LMO4: variants seen among roughly 807,000 people sequenced by gnomAD.
The protein encoded by LMO4 is LIM domain only 4.
In LMO4, 3 loss-of-function variants were observed where a neutral mutation model predicts 18.5. The observed-to-expected ratio is 0.16, with a 90% CI of 0.07 to 0.42. The LOEUF (loss-of-function observed/expected upper bound fraction) is 0.42, where lower values mean the gene tolerates loss of function less well. LMO4 is among the 10% of genes least tolerant of loss of function. LMO4 has a pLI of 0.99. For synonymous variants in LMO4, 100 were observed against 88.1 expected (o/e 1.14, Z -0.76); for missense variants, 121 against 219.9 (o/e 0.55, Z 2.84).
At chr1:87,332,615 G>A (rs1650189289) in intron 2 of LMO4, among the ~76,000 whole-genome samples, 1 of 152,124 alleles carries the variant, frequency 6.6e-6, no homozygotes, top group Non-Finnish European at 1.5e-5. Flanking sequence ...AACAAGGTAG[G>A]AACTCACAGA....
At chr1:87,334,543 C>T (rs373540071) in intron 2 of LMO4, among the ~76,000 whole-genome samples, 2 of 152,342 alleles carry the variant, frequency 1.3e-5, no homozygotes, top group East Asian at 3.9e-4. Flanking sequence ...GTGGAGTAAT[C>T]TGCTCGCCCG....
chr1:87,343,756 T>G (rs1013323624), intron 4 of LMO4, among the ~76,000 whole-genome samples: 1 of 152,216 alleles, frequency 6.6e-6, no homozygotes, highest in Admixed American at 6.5e-5. Flanking sequence ...TTTCTCACAC[T>G]GAGCTTCCAC....
Position 87,348,659 on chromosome 1 carries a change from CAG to C in LMO4, c.*3864_*3865del, listed in dbSNP as rs888678980. 8 of 476,954 alleles carry C rather than the reference CAG, an allele frequency of 1.7e-5. No homozygotes were observed. Among genetic ancestry groups the C allele is most frequent in the Admixed American group, 8.9e-5 (4 of 44,836 alleles). 29.5% of individuals were successfully genotyped at this position (476,954 alleles called of 1,614,324 possible). On this transcript the variant is annotated 3_prime_UTR_variant, in exon 5 of 5. Transcript: ENST00000370544. ...GAACATGCTGAGAGCAATGACAAGT[CAG>C]GGCTGATTTTTGGAAGGTGAACTTG... is the stretch of plus-strand genomic sequence containing the variant.
intron 2 of LMO4, among the ~76,000 whole-genome samples, chr1:87,335,824 C>G (rs1027328612): frequency 2.1e-4 from 32 of 151,546 alleles, no homozygotes; most frequent in African/African-American, 7.3e-4. Flanking sequence ...TTGAAGTCTG[C>G]CCACTCAAGC....
At chr1:87,329,388 C>T (rs1416889240) in intron 1 of LMO4, 144 bp downstream of exon 1, 3 of 152,230 alleles carry the variant, frequency 2.0e-5, no homozygotes, top group Admixed American at 2.0e-4. Flanking sequence ...AGATAAAGCG[C>T]GAGTCTGAAA....
rs1342065194 is a variant in LMO4, at chr1:87,331,770, G to A, written c.-3-243G>A. 5.7e-6 allele frequency: 3 copies of A among 524,016 alleles called. No individual in the cohort carries two copies. In the African/African-American group the frequency reaches 5.8e-5, roughly 10 times the overall value. 32.5% of individuals were successfully genotyped at this position (524,016 alleles called of 1,614,324 possible). ...AAATTGTCAGCGGCGGCAAGCGCAG[G>A]AAAGTTGAGAGGAGCTCGTGGCCCC... On this transcript the variant is annotated intron_variant, in intron 1 of 4. Coordinates refer to ENST00000370544, the MANE Select transcript of LMO4 (RefSeq NM_006769.4).
At chr1:87,340,806 TTAGTGCCATTAA>T (rs1193856386) in intron 4 of LMO4, among the ~76,000 whole-genome samples, 1 of 152,240 alleles carries the variant, frequency 6.6e-6, no homozygotes, top group African/African-American at 2.4e-5. Flanking sequence ...GCTAACCCGC[TTAGTGCCATTAA>T]TAGTGCCATT....
In LMO4 at chr1:87,339,985, T is replaced by C. The variant is rs1489729514; in HGVS notation, c.334-62T>C. The C allele has an allele frequency of 1.9e-6, 3 of 1,558,504 alleles. No homozygotes were observed. In the Admixed American group the frequency reaches 5.3e-5, roughly 27 times the overall value. On this transcript the variant is annotated intron_variant, in intron 3 of 4. Coordinates refer to ENST00000370544, the MANE Select transcript of LMO4 (RefSeq NM_006769.4). ...ACCTGCTTAATAACAGGTTATAAAC[T>C]TGTGACCAAAAAAAGACTTAATTTT... is the stretch of plus-strand genomic sequence containing the variant.
In LMO4 at chr1:87,339,688, A is replaced by T; in HGVS notation, c.333+56A>T. 2.8e-6 allele frequency: 3 copies of T among 1,081,076 alleles called. No homozygotes were observed. In the South Asian group the frequency reaches 4.0e-5, roughly 14 times the overall value. The allele number at this position is 1,081,076 out of a possible 1,614,324, so 67.0% of individuals were successfully genotyped here. A position where few individuals can be genotyped will look rare whatever the true frequency, so the allele number is the denominator to read the frequency against. On this transcript the variant is annotated intron_variant, in intron 3 of 4. Transcript: ENST00000370544. The stretch of plus-strand genomic sequence containing the variant: ...AAAAAAAATCATACCTTTCCTACCT[A>T]CATGGGGGCAAAGCATTTCTCCTTG...
rs1650642231 is a variant in LMO4 at position 87,346,605 on chromosome 1, C to T, written c.*1809C>T. 1 of 152,112 alleles carries T rather than the reference C, an allele frequency of 6.6e-6. No individual in the cohort carries two copies. The highest frequency in any genetic ancestry group is 1.5e-5 in the Non-Finnish European group (1 of 68,026). 9.4% of individuals were successfully genotyped at this position (152,112 alleles called of 1,614,324 possible). A position where few individuals can be genotyped will look rare whatever the true frequency, so the allele number is the denominator to read the frequency against. ...GCACATCTCAACTACCAGTCAGCTT[C>T]CCTTTGAGAACTTCTGTGCTCACTT... On this transcript the variant is annotated 3_prime_UTR_variant, in exon 5 of 5. Coordinates refer to ENST00000370544, the MANE Select transcript of LMO4 (RefSeq NM_006769.4).
In LMO4 at chr1:87,345,054, A is replaced by C; in HGVS notation, c.*258A>C. 6.5e-6 allele frequency: 1 copy of C among 152,844 alleles called. No individual in the cohort carries two copies. Among genetic ancestry groups the C allele is most frequent in the Non-Finnish European group, 1.4e-5 (1 of 71,586 alleles). The allele number at this position is 152,844 out of a possible 1,614,324, so 9.5% of individuals were successfully genotyped here. On this transcript the variant is annotated 3_prime_UTR_variant, in exon 5 of 5. Coordinates refer to ENST00000370544, the MANE Select transcript of LMO4 (RefSeq NM_006769.4). ...AATGAAAAAAGATCCACCAGAGGACATCTTGGGGAGGGGGAGGGAGCTGGG... is the reference window on the plus strand; with the variant it reads ...AATGAAAAAAGATCCACCAGAGGACCTCTTGGGGAGGGGGAGGGAGCTGGG...
rs201104475 is a variant in LMO4, at chr1:87,332,617, AC to A, written c.236+367del. ...GCTGCGTTCTTAAAACAAGGTAGGA[AC>A]TCACAGAGGAACCCAGAAACAAAGG... On this transcript the variant is annotated intron_variant, in intron 2 of 4. Transcript: ENST00000370544. Among the ~76,000 whole-genome samples the A allele has an allele frequency of 9.1e-3, 1,380 of 152,328 alleles. 30 individuals are homozygous for A. Among genetic ancestry groups the A allele is most frequent in the Admixed American group, 0.053 (810 of 15,306 alleles).
At position 87,347,106 on chromosome 1, in the gene LMO4, G is replaced by A. The variant is rs1289434298; in HGVS notation, c.*2310G>A. On this transcript the variant is annotated 3_prime_UTR_variant, in exon 5 of 5. Transcript: ENST00000370544. Reference sequence around the variant, plus strand: ...AACTATTATATGGCTGGTTCCTCAAGCACTGCTGCGTATTTAATAATGAGC... The same window carrying A: ...AACTATTATATGGCTGGTTCCTCAAACACTGCTGCGTATTTAATAATGAGC... 6.6e-6 allele frequency: 1 copy of A among 152,174 alleles called. No homozygotes were observed. The highest frequency in any genetic ancestry group is 2.4e-5 in the African/African-American group (1 of 41,436). 9.4% of individuals were successfully genotyped at this position (152,174 alleles called of 1,614,324 possible).
chr1:87,343,362 T>G (rs1281376463), intron 4 of LMO4, among the ~76,000 whole-genome samples: 2 of 152,200 alleles, frequency 1.3e-5, no homozygotes, highest in Non-Finnish European at 2.9e-5. Context: ...CTACAACATT[T>G]TATAACCTAT....
At chr1:87,336,159 ATTTCT>A (rs1650305906) in intron 2 of LMO4, among the ~76,000 whole-genome samples, 1 of 152,104 alleles carries the variant, frequency 6.6e-6, no homozygotes, top group Non-Finnish European at 1.5e-5. Context: ...TCTGGGTTGC[ATTTCT>A]TTGTTACATT....
Position 87,340,154 on chromosome 1 carries a change from T to C in LMO4, c.441T>C (p.Asn147=). 6.2e-7 allele frequency: 1 copy of C among 1,614,172 alleles called. No individual in the cohort carries two copies. The highest frequency in any genetic ancestry group is 1.1e-5 in the South Asian group (1 of 91,080). ...ATGATAGACCTACAGCTCTCATCAA[T>C]GGCCATTTGAATTCACTTCAGAGCA... ...CEHDRPTALI[N]GHLNSLQSNP... The change falls in exon 4 of 5, where the codon AAT becomes AAC. Residue 147 remains asparagine (N), a synonymous_variant. Coordinates refer to ENST00000370544, the MANE Select transcript of LMO4 (RefSeq NM_006769.4).
At position 87,333,762 on chromosome 1, in the gene LMO4, G is replaced by C. The variant is rs923287277; in HGVS notation, c.236+1511G>C. 9.9e-5 allele frequency among the ~76,000 whole-genome samples: 15 copies of C among 152,138 alleles called. 1 individual carries two copies. Among genetic ancestry groups the C allele is most frequent in the Admixed American group, 2.0e-4 (3 of 15,272 alleles). ...AGAAGTAAATGTTGGAAAATCAGCA[G>C]GAACATGGGTGTAATGCTTTCTGGT... On this transcript the variant is annotated intron_variant, in intron 2 of 4. Transcript: ENST00000370544.
chr1:87,343,887 C>A (rs3753288), intron 4 of LMO4, among the ~76,000 whole-genome samples: 3,189 of 152,178 alleles, frequency 0.021, 130 homozygotes, highest in East Asian at 0.14. Flanking sequence ...CTGGGAGGCT[C>A]AAAATGTCAT....
chr1:87,335,687 G>C (rs1650287913), intron 2 of LMO4, among the ~76,000 whole-genome samples: 1 of 152,126 alleles, frequency 6.6e-6, no homozygotes. Context: ...CATTTCCCTG[G>C]TAATCAACAG....
Sources: allele counts gnomAD v4.1 joint callset (sites outside exome capture counted in the v4.1 genomes callset), GRCh38; gene constraint gnomAD v4.1.1; transcripts MANE v1.5; gene names NCBI Gene and HGNC (gene_info 2026-07-23, HGNC 2026-07-21).